PCNX1: variants seen among roughly 807,000 people sequenced by gnomAD.
The protein encoded by PCNX1 is pecanex-like protein 1.
A neutral mutation model predicts 242.2 loss-of-function variants in PCNX1; 78 were observed. That is an observed-to-expected ratio of 0.32 (90% CI 0.27 to 0.39). The LOEUF (loss-of-function observed/expected upper bound fraction) is 0.39. Among genes scored for constraint, PCNX1 ranks in the 10% least tolerant of loss-of-function variants. The pLI is 1.00. For synonymous variants in PCNX1, 1,024 were observed against 1,032.9 expected (o/e 0.99, Z 0.17); for missense variants, 2,581 against 2,856.5 (o/e 0.90, Z 2.20).
At chr14:70,949,375 A>G (rs1382757005) in intron 2 of PCNX1, among the ~76,000 whole-genome samples, 3 of 121,862 alleles carry the variant, frequency 2.5e-5, no homozygotes, top group South Asian at 3.0e-4. Flanking sequence ...ATATAGACAC[A>G]TACGTGTATA....
intron 26 of PCNX1, among the ~76,000 whole-genome samples, chr14:71,064,967 G>A (rs1333470378): frequency 2.6e-5 from 4 of 152,058 alleles, no homozygotes; most frequent in East Asian, 3.9e-4. Flanking sequence ...TTATGGATGC[G>A]TAGTATTCCA....
At chr14:71,105,139 G>A in intron 32 of PCNX1, 96 bp from the exon 33 acceptor site, 2 of 860,922 alleles carry the variant, frequency 2.3e-6, no homozygotes, top group Non-Finnish European at 3.8e-6. Flanking sequence ...GTGAACATTA[G>A]TAGCATTTGC....
At position 71,023,259 on chromosome 14, in the gene PCNX1, A is replaced by T. The variant is rs568522846; in HGVS notation, c.3183+27A>T. On this transcript the variant is annotated intron_variant, in intron 13 of 35. Coordinates refer to ENST00000304743, the MANE Select transcript of PCNX1 (RefSeq NM_014982.3). ...TAAGTCACTCTTAATATGGCTGTACATTATAGGTCCTTAACATTTATCATA... is the reference window on the plus strand; with the variant it reads ...TAAGTCACTCTTAATATGGCTGTACTTTATAGGTCCTTAACATTTATCATA... 2.0e-6 allele frequency: 3 copies of T among 1,505,440 alleles called. No homozygotes were observed. In the Admixed American group the frequency reaches 5.0e-5, roughly 25 times the overall value. 93.3% of individuals were successfully genotyped at this position (1,505,440 alleles called of 1,614,324 possible). A position where few individuals can be genotyped will look rare whatever the true frequency, so the allele number is the denominator to read the frequency against.
At chr14:70,954,477 G>C (rs763059333) in intron 2 of PCNX1, among the ~76,000 whole-genome samples, 3 of 152,004 alleles carry the variant, frequency 2.0e-5, no homozygotes, top group Non-Finnish European at 4.4e-5. Flanking sequence ...TAAATTTGTA[G>C]GTCCCTCTGC....
chr14:71,052,955 G>A (rs2061080380), intron 24 of PCNX1, among the ~76,000 whole-genome samples: 2 of 152,132 alleles, frequency 1.3e-5, no homozygotes, highest in Non-Finnish European at 2.9e-5. Flanking sequence ...AAACACATTG[G>A]TTTAGAAAGA....
At position 71,043,494 on chromosome 14, in the gene PCNX1, T is replaced by TCTCC. The variant is rs560394408; in HGVS notation, c.3868-1620_3868-1617dup. On this transcript the variant is annotated intron_variant, in intron 19 of 35. Transcript: ENST00000304743. ...AAGCTTTTCCCTCCCTCCTTCCCTC[T>TCTCC]CTCCCTCCCTCCCTCCCTCCCTTCC... Among the ~76,000 whole-genome samples the TCTCC allele has an allele frequency of 9.1e-3, 1,377 of 151,044 alleles. 14 individuals carry two copies. The highest frequency in any genetic ancestry group is 0.031 in the African/African-American group (1,268 of 40,914).
rs771855726 is a variant in PCNX1, at chr14:71,036,056, T to C, written c.3775-9T>C. 72 of 1,531,424 alleles carry C rather than the reference T, an allele frequency of 4.7e-5. No homozygotes were observed. Among genetic ancestry groups the C allele is most frequent in the Non-Finnish European group, 6.1e-5 (68 of 1,118,120 alleles). 94.9% of individuals were successfully genotyped at this position (1,531,424 alleles called of 1,614,324 possible). On this transcript the variant is annotated splice_polypyrimidine_tract_variant and intron_variant, in intron 18 of 35. Transcript: ENST00000304743. Reference sequence around the variant, plus strand: ...GTAATTGTTTAATAATTCTTTTTTTTCCCCACAGAGTGAGCGATTACAGTC... The same window carrying C: ...GTAATTGTTTAATAATTCTTTTTTTCCCCCACAGAGTGAGCGATTACAGTC...
At chr14:70,979,194 C>A (rs529379584) in intron 6 of PCNX1, among the ~76,000 whole-genome samples, 1 of 151,796 alleles carries the variant, frequency 6.6e-6, no homozygotes, top group African/African-American at 2.4e-5. Context: ...TTAGGCGTTA[C>A]GAAAATACTA....
intron 1 of PCNX1, among the ~76,000 whole-genome samples, chr14:70,944,902 C>T (rs1248398433): frequency 6.6e-6 from 1 of 152,186 alleles, no homozygotes; most frequent in Non-Finnish European, 1.5e-5. Flanking sequence ...GAAGCGGTGC[C>T]TTCTGCCATG....
At chr14:71,042,287 T>C (rs2060728595) in intron 19 of PCNX1, among the ~76,000 whole-genome samples, 1 of 152,204 alleles carries the variant, frequency 6.6e-6, no homozygotes. Context: ...TCCCAACTAT[T>C]ACTCTATTGG....
intron 20 of PCNX1, among the ~76,000 whole-genome samples, chr14:71,045,818 A>G (rs893403888): frequency 4.6e-5 from 7 of 152,332 alleles, no homozygotes; most frequent in East Asian, 1.9e-4. Flanking sequence ...CAGATTTGCA[A>G]TAAAGTATAA....
chr14:71,011,237 T>G (rs2059812112), intron 9 of PCNX1, among the ~76,000 whole-genome samples: 1 of 152,178 alleles, frequency 6.6e-6, no homozygotes, highest in African/African-American at 2.4e-5. Flanking sequence ...ACAGATACTA[T>G]TGTCATATGT....
At chr14:70,946,325 C>T (rs557521486) in intron 1 of PCNX1, among the ~76,000 whole-genome samples, 18 of 152,188 alleles carry the variant, frequency 1.2e-4, no homozygotes, top group African/African-American at 3.4e-4. Context: ...TTCTGGAATA[C>T]GAAGAATGTA....
chr14:71,084,225 C>T (rs529633108), intron 28 of PCNX1, among the ~76,000 whole-genome samples: 22 of 152,316 alleles, frequency 1.4e-4, no homozygotes, highest in African/African-American at 3.4e-4. Flanking sequence ...CTGGAAGCTT[C>T]GTCCCAGAGG....
At chr14:71,090,493 A>T (rs2062101421) in intron 30 of PCNX1, among the ~76,000 whole-genome samples, 1 of 152,212 alleles carries the variant, frequency 6.6e-6, no homozygotes, top group Non-Finnish European at 1.5e-5. Flanking sequence ...GAACATGACT[A>T]ATAAAGGACA....
At chr14:71,107,817 G>T (rs1175824521) in intron 33 of PCNX1, among the ~76,000 whole-genome samples, 1 of 152,128 alleles carries the variant, frequency 6.6e-6, no homozygotes, top group Non-Finnish European at 1.5e-5. Flanking sequence ...ACATAGTAGG[G>T]CCTTAATAAA....
rs1210739086 is a variant in PCNX1, at chr14:71,108,706, A to C, written c.6404A>C (p.His2135Pro). 6.2e-7 allele frequency: 1 copy of C among 1,614,216 alleles called. No individual in the cohort carries two copies. The highest frequency in any genetic ancestry group is 8.5e-7 in the Non-Finnish European group (1 of 1,180,024). ...SQSSYCYSSRHSSLRMSTTGF... is the reference protein window; with the variant it reads ...SQSSYCYSSRPSSLRMSTTGF... ...TCTTCCTACTGCTATAGCAGCCGGC[A>C]TTCATCCCTCCGGATGTCCACCACT... Residue 2135 changes from histidine (H) to proline (P), a missense_variant, in exon 34 of 36, where the codon CAT becomes CCT. By Grantham distance (77) the His-to-Pro change is moderately conservative (BLOSUM62 -2). Around this residue, in one of 9 missense-constraint regions of PCNX1, gnomAD observed 432 missense variants for 433.6 expected, o/e 1.00. Transcript: ENST00000304743.
chr14:70,913,868 A>G (rs1045744345), intron 1 of PCNX1, among the ~76,000 whole-genome samples: 4 of 152,196 alleles, frequency 2.6e-5, no homozygotes, highest in Non-Finnish European at 5.9e-5. Flanking sequence ...TATTGTACAT[A>G]TGATTTTTAA....
At chr14:71,064,030 C>T (rs1007928591) in intron 26 of PCNX1, among the ~76,000 whole-genome samples, 1 of 152,034 alleles carries the variant, frequency 6.6e-6, no homozygotes, top group African/African-American at 2.4e-5. Flanking sequence ...ACAGTATGTT[C>T]GGCTGACTGG....
Sources: allele counts gnomAD v4.1 joint callset (sites outside exome capture counted in the v4.1 genomes callset), GRCh38; gene constraint gnomAD v4.1.1; regional missense constraint gnomAD v4.1.1; transcripts MANE v1.5; gene names NCBI Gene and HGNC (gene_info 2026-07-23, HGNC 2026-07-21).